The following METTL15 variants were observed in gnomAD, a reference collection of about 807,000 sequenced individuals.
METTL15 encodes the protein methyltransferase 15, mitochondrial 12S rRNA N4-cytidine, also known as 12S rRNA N(4)-cytidine methyltransferase METTL15.
A neutral mutation model predicts 38.3 loss-of-function variants in METTL15; 34 were observed. That is an observed-to-expected ratio of 0.89 (90% CI 0.68 to 1.18). The LOEUF (loss-of-function observed/expected upper bound fraction) is 1.18, where lower values mean the gene tolerates loss of function less well. Among genes scored for constraint, METTL15 ranks in the 50% most tolerant of loss-of-function variants. METTL15 has a pLI of 0.00. For missense variants in METTL15, 438 were observed against 498.4 expected (o/e 0.88, Z 1.15); for synonymous variants, 162 against 170.9 (o/e 0.95, Z 0.41).
chr11:28,531,921 T>A (rs1851845217), downstream of METTL15, among the ~76,000 whole-genome samples: 1 of 152,084 alleles, frequency 6.6e-6, no homozygotes, highest in Non-Finnish European at 1.5e-5. Flanking sequence ...TATATTAACA[T>A]TCACTTACCT....
At chr11:28,161,275 A>G (rs1219091046) in intron 3 of METTL15, among the ~76,000 whole-genome samples, 3 of 151,890 alleles carry the variant, frequency 2.0e-5, no homozygotes, top group African/African-American at 7.3e-5. Flanking sequence ...GATGCAGGCC[A>G]CCACCCCAGC....
chr11:28,229,315 TA>T (rs1853597729), intron 4 of METTL15, among the ~76,000 whole-genome samples: 1 of 151,920 alleles, frequency 6.6e-6, no homozygotes. Context: ...TATGCACAGA[TA>T]GAACTGTTTA....
intron 5 of METTL15, among the ~76,000 whole-genome samples, chr11:28,382,893 CTG>C (rs1488961275): frequency 1.3e-5 from 2 of 149,598 alleles, no homozygotes; most frequent in African/African-American, 4.9e-5. Context: ...TTGTACTTCT[CTG>C]TGGCCCTGGG....
intron 3 of METTL15, among the ~76,000 whole-genome samples, chr11:28,176,651 A>G (rs957081053): frequency 6.6e-6 from 1 of 152,160 alleles, no homozygotes; most frequent in African/African-American, 2.4e-5. Context: ...ATCATATGGT[A>G]TGCAGTCTCA....
At chr11:28,300,170 C>T (rs1805596139) in intron 6 of METTL15, among the ~76,000 whole-genome samples, 1 of 152,062 alleles carries the variant, frequency 6.6e-6, no homozygotes. Flanking sequence ...TAAGCAATAT[C>T]TTTGTTTGAC....
At chr11:28,272,965 TACTA>T (rs1855704030) in intron 4 of METTL15, among the ~76,000 whole-genome samples, 1 of 152,184 alleles carries the variant, frequency 6.6e-6, no homozygotes, top group Non-Finnish European at 1.5e-5. Flanking sequence ...TATACCCTAT[TACTA>T]AGTAAACTAA....
At chr11:28,438,742 T>C (rs1343352211) in intron 6 of METTL15, among the ~76,000 whole-genome samples, 1 of 144,498 alleles carries the variant, frequency 6.9e-6, no homozygotes, top group Non-Finnish European at 1.5e-5. Flanking sequence ...TGGCACGAAC[T>C]CGGCTCACTG....
At chr11:28,238,216 C>CT (rs1224334918) in intron 4 of METTL15, among the ~76,000 whole-genome samples, 21 of 152,236 alleles carry the variant, frequency 1.4e-4, no homozygotes, top group Non-Finnish European at 2.2e-4. Context: ...GAGGTGGAGC[C>CT]TACAGAGGCA....
rs1420666931 is a variant in METTL15, at chr11:28,330,420, A to T, written c.803A>T (p.Tyr268Phe). 39 of 1,547,614 alleles carry T rather than the reference A, an allele frequency of 2.5e-5. No individual in the cohort carries two copies. In the East Asian group the frequency reaches 8.6e-4, roughly 34 times the overall value. The change falls in exon 7 of 7, where the codon TAT becomes TTT. Residue 268 changes from tyrosine to phenylalanine, a missense_variant. Physicochemically the swap from Tyr to Phe is conservative, Grantham distance 22. Transcript: ENST00000407364. The stretch of plus-strand genomic sequence containing the variant: ...GGAGCATTTCCTCCCTCTGCTATTT[A>T]TACACGGAAAGACTTACTACAGCGA... ...VAGAFPPSAIYTRKDLLQRST... is the reference protein window; with the variant it reads ...VAGAFPPSAIFTRKDLLQRST...
chr11:28,358,630 A>T (rs1554913717), intron 4 of METTL15, among the ~76,000 whole-genome samples: 1 of 152,104 alleles, frequency 6.6e-6, no homozygotes, highest in Non-Finnish European at 1.5e-5. Flanking sequence ...ATGTAGTTTC[A>T]TTGTAGTACT....
rs182178041 is a variant in METTL15 at position 28,110,246 on chromosome 11, C to G, written c.-173C>G. ...ACAGCGGAACCAAAGGCAGACGGTCCTCAGTTGCTTGGGCGGACGTGGACC... is the reference window on the plus strand; with the variant it reads ...ACAGCGGAACCAAAGGCAGACGGTCGTCAGTTGCTTGGGCGGACGTGGACC... On this transcript the variant is annotated 5_prime_UTR_variant, in exon 2 of 7. Transcript: ENST00000407364. The G allele has an allele frequency of 6.8e-4, 104 of 152,362 alleles. No homozygotes were observed. The highest frequency in any genetic ancestry group is 2.3e-3 in the African/African-American group (97 of 41,584). The allele number at this position is 152,362 out of a possible 1,614,324, so 9.4% of individuals were successfully genotyped here.
chr11:28,385,004 T>G (rs1447748389), intron 5 of METTL15, among the ~76,000 whole-genome samples: 1 of 152,202 alleles, frequency 6.6e-6, no homozygotes, highest in Non-Finnish European at 1.5e-5. Flanking sequence ...GATGGTTTCT[T>G]GTACATTTAT....
chr11:28,216,094 A>G (rs1465000566), intron 4 of METTL15, among the ~76,000 whole-genome samples: 4 of 152,192 alleles, frequency 2.6e-5, no homozygotes, highest in African/African-American at 9.7e-5. Context: ...CTAAATTAAT[A>G]TATACATGTA....
chr11:28,139,575 G>T (rs1456862410), intron 3 of METTL15, among the ~76,000 whole-genome samples: 2 of 152,060 alleles, frequency 1.3e-5, no homozygotes, highest in Non-Finnish European at 2.9e-5. Context: ...GAGTTCCCTA[G>T]ACCTTGTCTG....
At chr11:28,432,822 A>C (rs1850944278) in intron 6 of METTL15, among the ~76,000 whole-genome samples, 1 of 152,106 alleles carries the variant, frequency 6.6e-6, no homozygotes, top group South Asian at 2.1e-4. Flanking sequence ...CCCTGGGAAG[A>C]ATGTTTTATA....
At chr11:28,377,358 C>A (rs1850328432) in intron 5 of METTL15, among the ~76,000 whole-genome samples, 1 of 152,102 alleles carries the variant, frequency 6.6e-6, no homozygotes, top group Non-Finnish European at 1.5e-5. Flanking sequence ...TTTGCCGTTT[C>A]CTTTTATTCT....
intron 4 of METTL15, among the ~76,000 whole-genome samples, chr11:28,238,334 C>T (rs1473953184): frequency 2.0e-5 from 3 of 152,324 alleles, no homozygotes; most frequent in South Asian, 4.1e-4. Context: ...CCCAGCCTGG[C>T]TGCCGCCTTG....
At chr11:28,341,318 A>T (rs1003267077) in intron 3 of METTL15, among the ~76,000 whole-genome samples, 15 of 152,090 alleles carry the variant, frequency 9.9e-5, no homozygotes, top group African/African-American at 3.4e-4. Context: ...AGTATAATTA[A>T]AAAAAATTTG....
chr11:28,344,241 T>C (rs1849979024), intron 3 of METTL15, among the ~76,000 whole-genome samples: 1 of 152,172 alleles, frequency 6.6e-6, no homozygotes, highest in Admixed American at 6.5e-5. Flanking sequence ...ATGCACATAT[T>C]CACATTATTA....
Sources: allele counts gnomAD v4.1 joint callset (sites outside exome capture counted in the v4.1 genomes callset), GRCh38; gene constraint gnomAD v4.1.1; transcripts MANE v1.5; gene names NCBI Gene and HGNC (gene_info 2026-07-23, HGNC 2026-07-21).